Variants in KIAA1217 observed in about 807,000 individuals in gnomAD.
The protein encoded by KIAA1217 is KIAA1217.
Under a neutral mutation model 163.9 loss-of-function variants are expected in KIAA1217, and 88 were observed. That is an observed-to-expected ratio of 0.54 (90% confidence interval 0.45 to 0.64). The LOEUF (loss-of-function observed/expected upper bound fraction) is 0.64. KIAA1217 is among the 30% of genes least tolerant of loss of function. The pLI is 0.00. For missense variants in KIAA1217, 2,372 were observed against 2,475.0 expected (o/e 0.96, Z 0.88); for synonymous variants, 903 against 923.1 (o/e 0.98, Z 0.39).
intron 1 of KIAA1217, among the ~76,000 whole-genome samples, chr10:23,757,616 C>T (rs1405715439): frequency 1.3e-5 from 2 of 152,122 alleles, no homozygotes; most frequent in African/African-American, 4.8e-5. Context: ...CTCCCGGGTT[C>T]CCATGATTCT....
At chr10:23,791,204 A>G (rs1382714885) in intron 1 of KIAA1217, among the ~76,000 whole-genome samples, 1 of 152,220 alleles carries the variant, frequency 6.6e-6, no homozygotes, top group East Asian at 1.9e-4. Context: ...GGTCATAATA[A>G]TTGCTGAATC....
chr10:24,393,269 G>T (rs1313462393), intron 3 of KIAA1217, among the ~76,000 whole-genome samples: 1 of 152,162 alleles, frequency 6.6e-6, no homozygotes, highest in South Asian at 2.1e-4. Context: ...CTGCATTGCT[G>T]GAGGGTAGAT....
chr10:24,172,981 C>T (rs1055945075), intron 2 of KIAA1217, among the ~76,000 whole-genome samples: 6 of 152,148 alleles, frequency 3.9e-5, no homozygotes, highest in African/African-American at 1.4e-4. Flanking sequence ...AGCAGGGGTC[C>T]CCAACCCCCA....
intron 1 of KIAA1217, among the ~76,000 whole-genome samples, chr10:23,744,572 C>G (rs561338483): frequency 9.9e-5 from 15 of 152,052 alleles, no homozygotes; most frequent in Non-Finnish European, 2.2e-4. Flanking sequence ...CAAGTCTCTC[C>G]AAAGGCAGCC....
rs143156999 is a variant in KIAA1217, at chr10:24,189,498, T to C, written c.-170-30128T>C. ...CCCCAAACACACATGTGCACACACT[T>C]TTACCCATGCAGAGGAGAAAGAGTA... On this transcript the variant is annotated intron_variant, in intron 2 of 18. Transcript: ENST00000376462. 1.3e-3 allele frequency among the ~76,000 whole-genome samples: 192 copies of C among 152,242 alleles called. 3 individuals are homozygous for C. The East Asian group carries it at 0.028, about 22-fold the overall frequency.
chr10:24,238,784 G>A (rs950979356), intron 2 of KIAA1217, among the ~76,000 whole-genome samples: 1 of 152,174 alleles, frequency 6.6e-6, no homozygotes, highest in Non-Finnish European at 1.5e-5. Flanking sequence ...GACACGCATG[G>A]CCGCTGTAGG....
chr10:24,454,878 C>A (rs1330011431), intron 5 of KIAA1217, among the ~76,000 whole-genome samples: 1 of 151,404 alleles, frequency 6.6e-6, no homozygotes, highest in African/African-American at 2.4e-5. Flanking sequence ...AAAAAAAAAT[C>A]TGCTCCACTG....
At chr10:24,483,795 A>G (rs10219003) in intron 6 of KIAA1217, among the ~76,000 whole-genome samples, 27,191 of 152,178 alleles carry the variant, frequency 0.18, 2,686 homozygotes, top group South Asian at 0.33. Flanking sequence ...CAATTCCAGA[A>G]CACAAATGTT....
At chr10:24,417,473 G>A (rs1193081022) in intron 3 of KIAA1217, among the ~76,000 whole-genome samples, 1 of 152,222 alleles carries the variant, frequency 6.6e-6, no homozygotes, top group Non-Finnish European at 1.5e-5. Flanking sequence ...AAGTGTGAGG[G>A]TGGCAAAGAC....
At chr10:24,332,151 G>A (rs17384657) in intron 2 of KIAA1217, among the ~76,000 whole-genome samples, 55,408 of 152,074 alleles carry the variant, frequency 0.36, 12,296 homozygotes, top group Middle Eastern at 0.56. Context: ...AAACTTCTTT[G>A]TTTCAAGAGT....
intron 2 of KIAA1217, among the ~76,000 whole-genome samples, chr10:24,179,069 A>C (rs893584623): frequency 1.3e-5 from 2 of 152,326 alleles, no homozygotes; most frequent in Non-Finnish European, 2.9e-5. Context: ...TAACAGGAGA[A>C]AGTGTTTATC....
intron 2 of KIAA1217, among the ~76,000 whole-genome samples, chr10:24,154,028 G>A (rs1370073813): frequency 1.3e-5 from 2 of 150,398 alleles, no homozygotes; most frequent in African/African-American, 4.9e-5. Context: ...CGGGATCTCG[G>A]CTCACTGCAA....
intron 2 of KIAA1217, among the ~76,000 whole-genome samples, chr10:24,340,421 G>GC (rs1242839988): frequency 6.6e-6 from 1 of 152,168 alleles, no homozygotes; most frequent in Non-Finnish European, 1.5e-5. Context: ...TGCCACGTAA[G>GC]CCATGCCTTT....
intron 2 of KIAA1217, among the ~76,000 whole-genome samples, chr10:24,171,416 A>G (rs3903952): frequency 0.71 from 108,727 of 152,232 alleles, 39,123 homozygotes; most frequent in Middle Eastern, 0.79. Context: ...CTAATGAAAA[A>G]CATTGGAAGC....
intron 1 of KIAA1217, among the ~76,000 whole-genome samples, chr10:23,830,851 C>T (rs1838159529): frequency 6.6e-6 from 1 of 151,384 alleles, no homozygotes; most frequent in African/African-American, 2.4e-5. Context: ...CACACACACT[C>T]ACTCACATAT....
intron 1 of KIAA1217, among the ~76,000 whole-genome samples, chr10:23,748,935 T>C (rs952860828): frequency 6.6e-6 from 1 of 152,196 alleles, no homozygotes; most frequent in African/African-American, 2.4e-5. Flanking sequence ...TTTTGGTCTC[T>C]TGACTTCCTC....
chr10:24,434,828 A>G (rs145264923), intron 4 of KIAA1217, among the ~76,000 whole-genome samples: 85 of 152,378 alleles, frequency 5.6e-4, no homozygotes, highest in African/African-American at 1.9e-3. Flanking sequence ...TTATGGAACC[A>G]GAAACTCAGA....
At chr10:24,085,757 G>A (rs2061678198) in intron 2 of KIAA1217, among the ~76,000 whole-genome samples, 2 of 152,012 alleles carry the variant, frequency 1.3e-5, no homozygotes, top group African/African-American at 4.8e-5. Context: ...CAGATCGCTT[G>A]AGCCCAGGAG....
intron 1 of KIAA1217, among the ~76,000 whole-genome samples, chr10:23,820,591 A>G (rs1340034297): frequency 6.6e-6 from 1 of 152,224 alleles, no homozygotes; most frequent in African/African-American, 2.4e-5. Flanking sequence ...TAGGGAGGTG[A>G]TAAATGTGGG....
Sources: allele counts gnomAD v4.1 joint callset (sites outside exome capture counted in the v4.1 genomes callset), GRCh38; gene constraint gnomAD v4.1.1; transcripts MANE v1.5; gene names NCBI Gene and HGNC (gene_info 2026-07-23, HGNC 2026-07-21).